Variants in TAF4 observed in about 807,000 individuals in gnomAD.
TAF4 encodes transcription initiation factor TFIID subunit 4.
TAF4 carries 9 observed loss-of-function variants against 90.3 expected under a neutral mutation model. That is an observed-to-expected ratio of 0.10 (90% CI 0.06 to 0.17). TAF4 has a LOEUF of 0.17. Among genes scored for constraint, TAF4 ranks in the 10% least tolerant of loss-of-function variants. TAF4 has a pLI of 1.00. For missense variants in TAF4, 1,351 were observed against 1,370.7 expected (o/e 0.99, Z 0.23); for synonymous variants, 818 against 638.9 (o/e 1.28, Z -4.23).
chr20:61,993,031 A>C (rs931642699), intron 14 of TAF4, among the ~76,000 whole-genome samples: 2 of 152,260 alleles, frequency 1.3e-5, no homozygotes, highest in African/African-American at 4.8e-5. Context: ...CTTCACCTGG[A>C]TATATGGAAG....
intron 14 of TAF4, among the ~76,000 whole-genome samples, chr20:61,983,350 AAC>A (rs1172699892): frequency 6.6e-6 from 1 of 152,216 alleles, no homozygotes; most frequent in Non-Finnish European, 1.5e-5. Context: ...CAGAAAAAGA[AAC>A]ACAGCAAATA....
chr20:62,029,717 C>A (rs905932287), intron 1 of TAF4, among the ~76,000 whole-genome samples: 1 of 152,086 alleles, frequency 6.6e-6, no homozygotes, highest in Non-Finnish European at 1.5e-5. Context: ...ACCAGCCTGG[C>A]CAACATGACG....
chr20:61,988,401 G>C (rs578105868), intron 14 of TAF4, among the ~76,000 whole-genome samples: 2 of 152,102 alleles, frequency 1.3e-5, no homozygotes, highest in African/African-American at 2.4e-5. Flanking sequence ...GTTAAATTAA[G>C]GGAAAAAATC....
intron 1 of TAF4, among the ~76,000 whole-genome samples, chr20:62,026,476 C>T (rs973419808): frequency 6.6e-6 from 1 of 152,158 alleles, no homozygotes; most frequent in African/African-American, 2.4e-5. Flanking sequence ...CAAGCTAGCT[C>T]CTTTGATGGA....
chr20:62,064,532 GGGTGGCCCGAATCCCGCTGGT>G lies in TAF4; in HGVS notation c.1258_1278del (p.Thr420_Thr426del). 6.5e-7 allele frequency: 1 copy of G among 1,530,536 alleles called. No homozygotes were observed. 94.8% of individuals were successfully genotyped at this position (1,530,536 alleles called of 1,614,324 possible). On this transcript the variant is annotated inframe_deletion, in exon 1 of 15. Coordinates refer to ENST00000252996, the MANE Select transcript of TAF4 (RefSeq NM_003185.4). ...CGGGGGGCCAGCACGGTGGGCGTCA[GGGTGGCCCGAATCCCGCTGGT>G]GGTGGCCGTGGGCGTCCGGGACAGG...
In TAF4 at chr20:61,996,782, A is replaced by G. The variant is rs551489401; in HGVS notation, c.3090+768T>C. Among the ~76,000 whole-genome samples the G allele has an allele frequency of 3.3e-5, 5 of 149,494 alleles. No homozygotes were observed. The Admixed American group carries it at 3.3e-4, about 10-fold the overall frequency. ...CCACTGCGCTCCCACCTGGCGACAGAGCAAGACTGTCTCAAAAAAAAAAAA... is the reference window on the plus strand; with the variant it reads ...CCACTGCGCTCCCACCTGGCGACAGGGCAAGACTGTCTCAAAAAAAAAAAA... On this transcript the variant is annotated intron_variant, in intron 14 of 14. Transcript: ENST00000252996.
intron 14 of TAF4, among the ~76,000 whole-genome samples, chr20:61,987,154 C>T (rs933105183): frequency 1.3e-5 from 2 of 152,184 alleles, no homozygotes; most frequent in Middle Eastern, 3.2e-3. Flanking sequence ...CCAGCCGGCC[C>T]GCGGCATTCT....
At chr20:62,023,889 C>G (rs1222205252) in intron 1 of TAF4, among the ~76,000 whole-genome samples, 4 of 152,004 alleles carry the variant, frequency 2.6e-5, no homozygotes, top group Non-Finnish European at 5.9e-5. Context: ...TCAAGACCAG[C>G]CTGGGAAACA....
intron 1 of TAF4, among the ~76,000 whole-genome samples, chr20:62,059,986 AG>A (rs1477087837): frequency 5.3e-5 from 8 of 152,290 alleles, no homozygotes; most frequent in African/African-American, 1.7e-4. Flanking sequence ...GAGGTAGAAC[AG>A]GAACTGTCTC....
intron 1 of TAF4, among the ~76,000 whole-genome samples, chr20:62,024,299 C>T (rs1290701340): frequency 6.6e-6 from 1 of 152,112 alleles, no homozygotes; most frequent in Non-Finnish European, 1.5e-5. Context: ...TGGATCCAGA[C>T]CTAAATGTAA....
intron 1 of TAF4, among the ~76,000 whole-genome samples, chr20:62,024,761 T>C (rs768391127): frequency 2.0e-5 from 3 of 151,972 alleles, no homozygotes; most frequent in Non-Finnish European, 4.4e-5. Context: ...TCCTAGCTAC[T>C]TGGGAGGCTG....
rs377320286 is a variant in TAF4, at chr20:61,994,900, T to C, written c.3090+2650A>G. Among the ~76,000 whole-genome samples the C allele has an allele frequency of 4.6e-5, 7 of 152,318 alleles. No individual in the cohort carries two copies. The East Asian group carries it at 1.3e-3, about 29-fold the overall frequency. ...CAGCCTGCCCGAGTAACAAGACCTT[T>C]CCTTGTACGTAAGGATCACACCCTA... On this transcript the variant is annotated intron_variant, in intron 14 of 14. Transcript: ENST00000252996.
intron 1 of TAF4, among the ~76,000 whole-genome samples, chr20:62,021,722 G>A (rs2055844386): frequency 6.6e-6 from 1 of 152,206 alleles, no homozygotes; most frequent in East Asian, 1.9e-4. Context: ...GGGTGGGTGG[G>A]CCAGCAGAGT....
chr20:62,025,434 T>C (rs1346534871), intron 1 of TAF4, among the ~76,000 whole-genome samples: 2 of 152,232 alleles, frequency 1.3e-5, no homozygotes, highest in South Asian at 2.1e-4. Context: ...CCATGTGATA[T>C]GGCTTGGCTC....
chr20:62,007,561 C>T lies in TAF4; in HGVS notation c.1960G>A (p.Val654Met). ...ELNSSPQPYL[V>M]PFLKRSLPAL... Reference sequence around the variant, plus strand: ...TTTGAAATTACCTTCAGGAAAGGCACAAGGTAAGGTTGAGGTGAAGAATTA... The same window carrying T: ...TTTGAAATTACCTTCAGGAAAGGCATAAGGTAAGGTTGAGGTGAAGAATTA... Residue 654 changes from valine (V) to methionine (M), a missense_variant, in exon 6 of 15, where the codon GTG becomes ATG. Physicochemically the swap from Val to Met is conservative, Grantham distance 21. Transcript: ENST00000252996. The T allele has an allele frequency of 1.2e-6, 2 of 1,613,838 alleles. No homozygotes were observed. Among genetic ancestry groups the T allele is most frequent in the Non-Finnish European group, 8.5e-7 (1 of 1,179,894 alleles).
intron 14 of TAF4, among the ~76,000 whole-genome samples, chr20:61,997,044 G>T (rs1194653276): frequency 2.0e-5 from 3 of 152,118 alleles, no homozygotes; most frequent in Non-Finnish European, 4.4e-5. Context: ...AAAAACAACT[G>T]ACAGTTGAAA....
Position 62,064,464 on chromosome 20 carries a change from G to T in TAF4, c.1347C>A (p.Phe449Leu). Residue 449 changes from phenylalanine (F) to leucine (L), a missense_variant, in exon 1 of 15, where the codon TTC (phenylalanine) becomes TTA (leucine). By Grantham distance (22) the Phe-to-Leu change is conservative. Transcript: ENST00000252996. ...PPQNPTNIQN[F>L]QLPPGMVLVR... ...GCGGCCACTCACCTGGGGGCAGCTG[G>T]AAGTTCTGGATGTTGGTCGGGTTCT... is the stretch of plus-strand genomic sequence containing the variant. 6.8e-7 allele frequency: 1 copy of T among 1,462,992 alleles called. No individual in the cohort carries two copies. The allele number at this position is 1,462,992 out of a possible 1,614,324, so 90.6% of individuals were successfully genotyped here.
Position 62,065,121 on chromosome 20 carries a change from C to T in TAF4, c.690G>A (p.Lys230=), listed in dbSNP as rs1205192599. 3 of 1,150,266 alleles carry T rather than the reference C, an allele frequency of 2.6e-6. No homozygotes were observed. Among genetic ancestry groups the T allele is most frequent in the Non-Finnish European group, 3.3e-6 (3 of 916,560 alleles). 71.3% of individuals were successfully genotyped at this position (1,150,266 alleles called of 1,614,324 possible). A position where few individuals can be genotyped will look rare whatever the true frequency, so the allele number is the denominator to read the frequency against. ...NGPAALLPLP[K]PAAPGTVIQT... ...GGATGACAGTGCCGGGGGCGGCGGG[C>T]TTGGGCAGCGGCAGCAGCGCGGCGG... Residue 230 remains lysine, a synonymous_variant, in exon 1 of 15, where the codon AAG becomes AAA. Coordinates refer to ENST00000252996, the MANE Select transcript of TAF4 (RefSeq NM_003185.4).
intron 5 of TAF4, among the ~76,000 whole-genome samples, chr20:62,008,474 T>G (rs1241487471): frequency 7.0e-6 from 1 of 143,714 alleles, no homozygotes; most frequent in Non-Finnish European, 1.5e-5. Flanking sequence ...GAGGGGAGGC[T>G]GCCAGGAATC....
Sources: gnomAD v4.1 joint callset for allele counts (sites outside exome capture counted in the v4.1 genomes callset) on GRCh38, gnomAD v4.1.1 for gene constraint, MANE v1.5 for transcripts, NCBI Gene and HGNC (gene_info 2026-07-23, HGNC 2026-07-21) for gene names.